The following TRPM3 variants were observed in gnomAD, a reference collection of about 807,000 sequenced individuals.
TRPM3 encodes the protein long transient receptor potential channel 3.
Under a neutral mutation model 181.2 loss-of-function variants are expected in TRPM3, and 77 were observed. The ratio of observed to expected loss-of-function variants is 0.42; its 90% CI spans 0.35 to 0.51. TRPM3 has a LOEUF of 0.51. Among genes scored for constraint, TRPM3 ranks in the 20% least tolerant of loss-of-function variants. The probability of loss-of-function intolerance (pLI) is 0.01; values close to 1 mark genes in which losing one functional copy is unlikely to be tolerated. For missense variants in TRPM3, 1,759 were observed against 2,196.7 expected, an observed-to-expected ratio of 0.80 and a Z score of 3.98; for synonymous variants, 745 against 796.4, an observed-to-expected ratio of 0.94 and a Z score of 1.09.
At chr9:71,247,696 C>G (rs1209609971) in intron 1 of TRPM3, among the ~76,000 whole-genome samples, 1 of 152,084 alleles carries the variant, frequency 6.6e-6, no homozygotes, top group East Asian at 1.9e-4. Context: ...ACTAGGTAAT[C>G]AGCTCAGGGC....
At chr9:70,770,261 T>C (rs960620734) in intron 7 of TRPM3, among the ~76,000 whole-genome samples, 2 of 152,176 alleles carry the variant, frequency 1.3e-5, no homozygotes, top group Admixed American at 6.5e-5. Flanking sequence ...TTCTGGATAC[T>C]ACCTCATCCC....
At chr9:70,797,990 C>T in intron 6 of TRPM3, among the ~76,000 whole-genome samples, 1 of 152,188 alleles carries the variant, frequency 6.6e-6, no homozygotes, top group East Asian at 1.9e-4. Context: ...TCTTGGGTTC[C>T]ACCAAGTACT....
At chr9:70,651,287 G>T (rs1465970168) in intron 9 of TRPM3, among the ~76,000 whole-genome samples, 2 of 152,010 alleles carry the variant, frequency 1.3e-5, no homozygotes, top group Non-Finnish European at 2.9e-5. Context: ...TTGCTCTTTT[G>T]TTATTCTTTC....
intron 22 of TRPM3, among the ~76,000 whole-genome samples, chr9:70,558,461 G>A (rs973889549): frequency 6.6e-6 from 1 of 152,186 alleles, no homozygotes; most frequent in Non-Finnish European, 1.5e-5. Flanking sequence ...ATTGGAAGGA[G>A]CAATGCGGGA....
Position 70,997,835 on chromosome 9 carries a change from T to A in TRPM3, c.177+123343A>T, listed in dbSNP as rs534276152. 8.5e-5 allele frequency among the ~76,000 whole-genome samples: 13 copies of A among 152,248 alleles called. No homozygotes were observed. The East Asian group carries it at 2.5e-3, about 29-fold the overall frequency. ...ATGTTTGGGAGGGTGAACTGTTGTA[T>A]CCTTCCTGATCTTCTTGTGTGCCTA... is the stretch of plus-strand genomic sequence containing the variant. On this transcript the variant is annotated intron_variant, in intron 1 of 25. Coordinates refer to ENST00000677713, the MANE Select transcript of TRPM3 (RefSeq NM_001366145.2).
chr9:70,693,954 A>G (rs962991969), intron 8 of TRPM3, among the ~76,000 whole-genome samples: 1 of 152,252 alleles, frequency 6.6e-6, no homozygotes, highest in Non-Finnish European at 1.5e-5. Flanking sequence ...AGAACACTAG[A>G]GACCAACATC....
chr9:70,657,228 C>A, intron 9 of TRPM3, among the ~76,000 whole-genome samples: 1 of 146,788 alleles, frequency 6.8e-6, no homozygotes, highest in Non-Finnish European at 1.5e-5. Flanking sequence ...AGCTTGTACA[C>A]CACTAAATAA....
At chr9:71,395,813 G>A (rs1423218951) in intron 1 of TRPM3, among the ~76,000 whole-genome samples, 2 of 152,138 alleles carry the variant, frequency 1.3e-5, no homozygotes, top group Non-Finnish European at 2.9e-5. Flanking sequence ...AATCAGTGAG[G>A]TGAGAAAGTT....
intron 1 of TRPM3, among the ~76,000 whole-genome samples, chr9:70,913,280 T>C (rs17055996): frequency 0.17 from 26,203 of 152,176 alleles, 2,873 homozygotes; most frequent in East Asian, 0.35. Flanking sequence ...GGTATCCCAA[T>C]GGTCTTATTT....
chr9:71,127,694 T>C (rs189614315), intron 1 of TRPM3, among the ~76,000 whole-genome samples: 3 of 152,318 alleles, frequency 2.0e-5, no homozygotes, highest in Admixed American at 2.0e-4. Context: ...TTGTTGTTAG[T>C]AATAGTGTTG....
intron 1 of TRPM3, among the ~76,000 whole-genome samples, chr9:70,987,170 C>T (rs548718462): frequency 3.3e-5 from 5 of 151,962 alleles, no homozygotes; most frequent in African/African-American, 4.8e-5. Flanking sequence ...TGAAATCATA[C>T]GACTCAGCAA....
At chr9:71,283,946 C>G (rs1227407094) in intron 1 of TRPM3, among the ~76,000 whole-genome samples, 1 of 152,168 alleles carries the variant, frequency 6.6e-6, no homozygotes, top group South Asian at 2.1e-4. Context: ...GTCCCACTTC[C>G]TACCGCCAGT....
At chr9:70,622,119 T>C (rs141467018) in intron 14 of TRPM3, among the ~76,000 whole-genome samples, 2 of 152,246 alleles carry the variant, frequency 1.3e-5, no homozygotes, top group East Asian at 1.9e-4. Flanking sequence ...TAAAAGAGGC[T>C]CAATGCAGCT....
chr9:70,768,797 C>T (rs925786334), intron 7 of TRPM3, among the ~76,000 whole-genome samples: 1 of 152,010 alleles, frequency 6.6e-6, no homozygotes, highest in Non-Finnish European at 1.5e-5. Context: ...CTTTGAATTG[C>T]TTTATTTACT....
At chr9:71,229,618 T>C (rs2080916925) in intron 1 of TRPM3, among the ~76,000 whole-genome samples, 2 of 151,986 alleles carry the variant, frequency 1.3e-5, no homozygotes, top group Admixed American at 1.3e-4. Flanking sequence ...CTGTTAAAAA[T>C]GGACAAAGGA....
rs2041233666 is a variant in TRPM3 at position 70,533,893 on chromosome 9, TTTTTA to T, written c.*2055_*2059del. The stretch of plus-strand genomic sequence containing the variant: ...TACCTGAAATGCTTATTCAGAAGAG[TTTTTA>T]TTTTGTTTTTTATCTTATATTTAAA... On this transcript the variant is annotated 3_prime_UTR_variant, in exon 26 of 26. Coordinates refer to ENST00000677713, the MANE Select transcript of TRPM3 (RefSeq NM_001366145.2). 6.6e-6 allele frequency: 1 copy of T among 152,268 alleles called. No homozygotes were observed. Among genetic ancestry groups the T allele is most frequent in the Admixed American group, 6.5e-5 (1 of 15,296 alleles). The allele number at this position is 152,268 out of a possible 1,614,324, so 9.4% of individuals were successfully genotyped here.
chr9:70,700,708 A>G (rs1289045371), intron 8 of TRPM3, among the ~76,000 whole-genome samples: 3 of 152,234 alleles, frequency 2.0e-5, no homozygotes, highest in Admixed American at 1.3e-4. Context: ...AGAAACTTTC[A>G]TCAGATTGAT....
intron 1 of TRPM3, among the ~76,000 whole-genome samples, chr9:70,915,683 A>C (rs1019573632): frequency 6.6e-6 from 1 of 151,724 alleles, no homozygotes; most frequent in Non-Finnish European, 1.5e-5. Context: ...ATTTGAAAAT[A>C]CATGTCAGAT....
chr9:70,756,524 A>G (rs542466942), intron 8 of TRPM3, among the ~76,000 whole-genome samples: 29 of 152,244 alleles, frequency 1.9e-4, no homozygotes, highest in South Asian at 4.2e-4. Flanking sequence ...TTCCACCCCA[A>G]ATCAACAGAA....
Sources: gnomAD v4.1 joint callset for allele counts (sites outside exome capture counted in the v4.1 genomes callset) on GRCh38, gnomAD v4.1.1 for gene constraint, MANE v1.5 for transcripts, NCBI Gene and HGNC (gene_info 2026-07-23, HGNC 2026-07-21) for gene names.